Variants in GRIN2B observed in about 807,000 individuals in gnomAD.
GRIN2B encodes the protein glutamate receptor ionotropic, NMDA 2B.
In GRIN2B, 5 loss-of-function variants were observed where a neutral mutation model predicts 114.5. The observed-to-expected ratio is 0.04, with a 90% CI of 0.02 to 0.09. GRIN2B has a LOEUF of 0.09. Ranked by LOEUF, GRIN2B falls within the 10% of genes least tolerant of loss-of-function variation. The pLI, the probability that GRIN2B is intolerant of heterozygous loss-of-function variation, is 1.00. For synonymous variants in GRIN2B, 787 were observed against 745.1 expected, an observed-to-expected ratio of 1.06 and a Z score of -0.92; for missense variants, 1,108 against 1,943.5, an observed-to-expected ratio of 0.57 and a Z score of 8.08.
At chr12:13,599,720 C>G (rs1317209616) in intron 10 of GRIN2B, among the ~76,000 whole-genome samples, 4 of 152,168 alleles carry the variant, frequency 2.6e-5, no homozygotes, top group African/African-American at 4.8e-5. Flanking sequence ...CAACAGTTAG[C>G]TAAATAGAAT....
chr12:13,829,438 G>A (rs748103432), intron 3 of GRIN2B, among the ~76,000 whole-genome samples: 2 of 152,130 alleles, frequency 1.3e-5, no homozygotes, highest in South Asian at 2.1e-4. Flanking sequence ...AGATAGGCTT[G>A]TGACCTCGAT....
At chr12:13,772,484 A>C (rs915191867) in intron 3 of GRIN2B, among the ~76,000 whole-genome samples, 3 of 152,086 alleles carry the variant, frequency 2.0e-5, no homozygotes, top group Non-Finnish European at 4.4e-5. Flanking sequence ...AGCTCCACCC[A>C]CTTGCCCTGA....
intron 5 of GRIN2B, among the ~76,000 whole-genome samples, chr12:13,666,905 T>C (rs1949981421): frequency 1.3e-5 from 2 of 152,206 alleles, no homozygotes; most frequent in Admixed American, 1.3e-4. Context: ...GCTATTAATA[T>C]AGGCACAAAG....
Position 13,587,018 on chromosome 12 carries a change from A to G in GRIN2B, c.2011-15054T>C, listed in dbSNP as rs541924421. Among the ~76,000 whole-genome samples the G allele has an allele frequency of 1.2e-4, 18 of 152,374 alleles. No homozygotes were observed. The South Asian group carries it at 2.3e-3, about 19-fold the overall frequency. ...AATTACTGCAGATCCATTAGTGAAC[A>G]AAACAGACAAATTCTTGCCTTCATT... is the stretch of plus-strand genomic sequence containing the variant. On this transcript the variant is annotated intron_variant, in intron 10 of 13. Transcript: ENST00000609686.
chr12:13,634,775 A>G (rs1028695363), intron 5 of GRIN2B, among the ~76,000 whole-genome samples: 2 of 152,264 alleles, frequency 1.3e-5, no homozygotes, highest in East Asian at 3.9e-4. Flanking sequence ...AGTTTTATTT[A>G]TTTACACATG....
chr12:13,846,731 T>C (rs749248185), intron 3 of GRIN2B, among the ~76,000 whole-genome samples: 1 of 152,118 alleles, frequency 6.6e-6, no homozygotes, highest in East Asian at 1.9e-4. Flanking sequence ...TGAGGAAACA[T>C]ATTTGCGAAG....
intron 3 of GRIN2B, among the ~76,000 whole-genome samples, chr12:13,759,000 T>G (rs899719876): frequency 2.5e-5 from 1 of 40,516 alleles, no homozygotes; most frequent in South Asian, 6.5e-4. Context: ...CTAGTTCAAT[T>G]TTTTTTTTTT....
At chr12:13,617,136 G>T (rs780427549) in intron 5 of GRIN2B, among the ~76,000 whole-genome samples, 3 of 152,220 alleles carry the variant, frequency 2.0e-5, no homozygotes, top group Non-Finnish European at 4.4e-5. Context: ...ACAGAACAAT[G>T]GGAGCAAATG....
intron 13 of GRIN2B, among the ~76,000 whole-genome samples, chr12:13,565,756 G>C (rs1317059351): frequency 6.6e-6 from 1 of 152,194 alleles, no homozygotes; most frequent in Non-Finnish European, 1.5e-5. Context: ...AGAGGGGAGA[G>C]GGTTAGAAGA....
intron 5 of GRIN2B, among the ~76,000 whole-genome samples, chr12:13,658,928 C>A (rs886377986): frequency 2.6e-5 from 4 of 152,080 alleles, no homozygotes; most frequent in Admixed American, 2.6e-4. Flanking sequence ...GTGACTACTT[C>A]TCCCTTTCCT....
chr12:13,918,552 T>A (rs896801624), intron 2 of GRIN2B, among the ~76,000 whole-genome samples: 1 of 152,206 alleles, frequency 6.6e-6, no homozygotes, highest in African/African-American at 2.4e-5. Flanking sequence ...ACATGGCAAT[T>A]GAAAATCCCT....
chr12:13,562,792 A>G lies in GRIN2B; in HGVS notation c.4446T>C (p.Ser1482=). 1 of 1,613,792 alleles carries G rather than the reference A, an allele frequency of 6.2e-7. No individual in the cohort carries two copies. The highest frequency in any genetic ancestry group is 1.7e-5 in the Admixed American group (1 of 60,032). The change falls in exon 14 of 14, where the codon TCT becomes TCC. Residue 1482 remains serine, a synonymous_variant. Coordinates refer to ENST00000609686, the MANE Select transcript of GRIN2B (RefSeq NM_000834.5). Reference sequence around the variant, plus strand: ...CTCTCTGTTCCCTCACTCAGACATCAGACTCAATACTAGAAAGTTTCTCAT... The same window carrying G: ...CTCTCTGTTCCCTCACTCAGACATCGGACTCAATACTAGAAAGTTTCTCAT... The part of the protein sequence containing the change: ...HVYEKLSSIE[S]DV
rs937672191 is a variant in GRIN2B at position 13,537,471 on chromosome 12, C to T, written c.*25312G>A. On this transcript the variant is annotated 3_prime_UTR_variant, in exon 14 of 14. Transcript: ENST00000609686. ...GGCTGTAATCATAAAATGGTGCTTC[C>T]GTTATGTCCATTCTTCAGCTCCAAA... 9 of 152,090 alleles carry T rather than the reference C, an allele frequency of 5.9e-5. No homozygotes were observed. Among genetic ancestry groups the T allele is most frequent in the Non-Finnish European group, 1.3e-4 (9 of 68,034 alleles). 9.4% of individuals were successfully genotyped at this position (152,090 alleles called of 1,614,324 possible).
chr12:13,567,881 G>A (rs1431276921), intron 12 of GRIN2B, among the ~76,000 whole-genome samples: 1 of 152,084 alleles, frequency 6.6e-6, no homozygotes, highest in Non-Finnish European at 1.5e-5. Context: ...ATCAGATTAA[G>A]CATTCTGTAC....
At chr12:13,570,924 G>A (rs1000957979) in intron 11 of GRIN2B, among the ~76,000 whole-genome samples, 22 of 152,172 alleles carry the variant, frequency 1.4e-4, no homozygotes, top group South Asian at 2.1e-4. Context: ...CCAAATCCCT[G>A]ATATGAATGA....
At chr12:13,686,683 C>A (rs1267388385) in intron 4 of GRIN2B, among the ~76,000 whole-genome samples, 1 of 152,098 alleles carries the variant, frequency 6.6e-6, no homozygotes, top group African/African-American at 2.4e-5. Context: ...ACCCTATTTC[C>A]TCCCCAGACT....
chr12:13,592,903 A>T (rs1949026609), intron 10 of GRIN2B, among the ~76,000 whole-genome samples: 1 of 152,238 alleles, frequency 6.6e-6, no homozygotes, highest in African/African-American at 2.4e-5. Context: ...TGTTGTTTAT[A>T]TAAAGGGTTA....
Position 13,630,463 on chromosome 12 carries a change from G to A in GRIN2B, c.1126-13806C>T, listed in dbSNP as rs558135764. On this transcript the variant is annotated intron_variant, in intron 5 of 13. Coordinates refer to ENST00000609686, the MANE Select transcript of GRIN2B (RefSeq NM_000834.5). ...GCTTTGTGACTTGCTTTGCCCAATAGGATATCGAAAAATGTGACACATGTA... is the reference window on the plus strand; with the variant it reads ...GCTTTGTGACTTGCTTTGCCCAATAAGATATCGAAAAATGTGACACATGTA... 3.9e-5 allele frequency among the ~76,000 whole-genome samples: 6 copies of A among 152,238 alleles called. No homozygotes were observed. In the East Asian group the frequency reaches 1.2e-3, roughly 29 times the overall value.
At chr12:13,656,129 G>A (rs1305430354) in intron 5 of GRIN2B, among the ~76,000 whole-genome samples, 8 of 152,122 alleles carry the variant, frequency 5.3e-5, no homozygotes, top group East Asian at 1.9e-4. Context: ...CTGTAGGAAC[G>A]TATTAAAGAT....
Sources: gnomAD v4.1 joint callset for allele counts (sites outside exome capture counted in the v4.1 genomes callset) on GRCh38, gnomAD v4.1.1 for gene constraint, MANE v1.5 for transcripts, NCBI Gene and HGNC (gene_info 2026-07-23, HGNC 2026-07-21) for gene names.